The following THSD7A variants were observed in gnomAD, a reference collection of about 807,000 sequenced individuals.
THSD7A encodes thrombospondin type-1 domain-containing protein 7A.
THSD7A carries 96 observed loss-of-function variants against 231.3 expected under a neutral mutation model. The observed-to-expected ratio is 0.41, with a 90% CI of 0.35 to 0.49. THSD7A has a LOEUF of 0.49. Ranked by LOEUF, THSD7A falls within the 20% of genes least tolerant of loss-of-function variation. THSD7A has a pLI of 0.05. For synonymous variants in THSD7A, 940 were observed against 743.3 expected, an observed-to-expected ratio of 1.26 and a Z score of -4.30; for missense variants, 2,290 against 2,070.2, an observed-to-expected ratio of 1.11 and a Z score of -2.06.
intron 23 of THSD7A, among the ~76,000 whole-genome samples, chr7:11,395,224 G>C (rs12699188): frequency 0.22 from 33,868 of 151,232 alleles, 4,291 homozygotes; most frequent in African/African-American, 0.34. Flanking sequence ...AAGAGACAAA[G>C]AAGAGCATTA....
In THSD7A at chr7:11,728,280, T is replaced by C. The variant is rs142330062; in HGVS notation, c.191-91319A>G. On this transcript the variant is annotated intron_variant, in intron 1 of 27. Coordinates refer to ENST00000423059, the MANE Select transcript of THSD7A (RefSeq NM_015204.3). ...TTCATTTGGTATATATACTATTCTGTAGGCAGGTCAAGATTAACCAATGCA... is the reference window on the plus strand; with the variant it reads ...TTCATTTGGTATATATACTATTCTGCAGGCAGGTCAAGATTAACCAATGCA... Among the ~76,000 whole-genome samples, 17 of 152,100 alleles carry C rather than the reference T, an allele frequency of 1.1e-4. 1 individual carries two copies. The East Asian group carries it at 3.3e-3, about 30-fold the overall frequency.
intron 6 of THSD7A, among the ~76,000 whole-genome samples, chr7:11,540,900 C>A (rs909896437): frequency 6.6e-6 from 1 of 152,116 alleles, no homozygotes; most frequent in Non-Finnish European, 1.5e-5. Flanking sequence ...AGCAAAAGGT[C>A]GGTTCAGGAA....
At chr7:11,659,706 A>G (rs533195891) in intron 1 of THSD7A, among the ~76,000 whole-genome samples, 1 of 151,602 alleles carries the variant, frequency 6.6e-6, no homozygotes, top group South Asian at 2.1e-4. Context: ...GGTATTCCAT[A>G]AATACTGTTA....
chr7:11,379,152 G>T lies in THSD7A; in HGVS notation c.4719C>A (p.Thr1573=), dbSNP rs1782403593. Residue 1573 remains threonine, a synonymous_variant, in exon 26 of 28, where the codon ACC becomes ACA. Coordinates refer to ENST00000423059, the MANE Select transcript of THSD7A (RefSeq NM_015204.3). ...GTTGGGTTGGATGTACAGCCCGACT[G>T]GTTTTCACATCTCCTCTTTTGTCCT... ...TMEDKRGDVK[T]SRAVHPTQPS... The T allele has an allele frequency of 2.5e-6, 4 of 1,613,542 alleles. No homozygotes were observed. Among genetic ancestry groups the T allele is most frequent in the Non-Finnish European group, 3.4e-6 (4 of 1,179,708 alleles).
At chr7:11,442,710 A>G (rs2128293505) in intron 13 of THSD7A, among the ~76,000 whole-genome samples, 1 of 152,178 alleles carries the variant, frequency 6.6e-6, no homozygotes, top group East Asian at 1.9e-4. Context: ...TGGAGACTCA[A>G]TTTCTCAAGA....
chr7:11,477,290 C>T (rs1049723338), intron 7 of THSD7A, among the ~76,000 whole-genome samples: 1 of 152,098 alleles, frequency 6.6e-6, no homozygotes, highest in Non-Finnish European at 1.5e-5. Context: ...ACAATGTCTT[C>T]CAATTAGAGT....
chr7:11,475,684 T>A (rs1786140275), intron 7 of THSD7A, among the ~76,000 whole-genome samples: 1 of 149,750 alleles, frequency 6.7e-6, no homozygotes, highest in Non-Finnish European at 1.5e-5. Context: ...CTAGGGAATA[T>A]GGGTACTACC....
chr7:11,543,147 A>G (rs766284541), intron 4 of THSD7A, 30 bp from the exon 5 acceptor site: 2 of 1,591,156 alleles, frequency 1.3e-6, no homozygotes, highest in Non-Finnish European at 1.7e-6. Flanking sequence ...CATATTAAAA[A>G]ATGAACAAAA....
rs557229346 is a variant in THSD7A at position 11,475,128 on chromosome 7, T to C, written c.2018-560A>G. Among the ~76,000 whole-genome samples, 28 of 152,248 alleles carry C rather than the reference T, an allele frequency of 1.8e-4. No homozygotes were observed. The East Asian group carries it at 4.1e-3, about 22-fold the overall frequency. On this transcript the variant is annotated intron_variant, in intron 7 of 27. Transcript: ENST00000423059. Reference sequence around the variant, plus strand: ...GTGTAGAGTTCACATCAGAAAGTAATTGGCAACAAGAATAAGAAAGTAGAC... The same window carrying C: ...GTGTAGAGTTCACATCAGAAAGTAACTGGCAACAAGAATAAGAAAGTAGAC...
intron 6 of THSD7A, 103 bp from the exon 7 acceptor site, chr7:11,482,085 G>C: frequency 7.8e-7 from 1 of 1,284,968 alleles, no homozygotes. Context: ...TCTTTCTTTT[G>C]CTCTTACTTA....
intron 7 of THSD7A, among the ~76,000 whole-genome samples, chr7:11,478,804 G>A (rs901068440): frequency 1.3e-5 from 2 of 151,996 alleles, no homozygotes; most frequent in Admixed American, 1.3e-4. Flanking sequence ...TATACACACT[G>A]ATACACAATA....
At chr7:11,565,343 C>G (rs1206207606) in intron 4 of THSD7A, among the ~76,000 whole-genome samples, 1 of 152,150 alleles carries the variant, frequency 6.6e-6, no homozygotes, top group African/African-American at 2.4e-5. Context: ...ATTTGCTGAG[C>G]AACTCCAAAT....
chr7:11,631,554 A>C (rs1781655265), intron 2 of THSD7A, among the ~76,000 whole-genome samples: 1 of 152,184 alleles, frequency 6.6e-6, no homozygotes, highest in Admixed American at 6.5e-5. Flanking sequence ...AGCTGAGCAG[A>C]GGAGGTTGAT....
Position 11,375,727 on chromosome 7 carries a change from G to C in THSD7A, c.*67C>G. ...TAATCCACACAGTTTGGATACATTTGTTGTGGCCTCTGGACATCTATGAAG... is the reference window on the plus strand; with the variant it reads ...TAATCCACACAGTTTGGATACATTTCTTGTGGCCTCTGGACATCTATGAAG... On this transcript the variant is annotated 3_prime_UTR_variant, in exon 28 of 28. Coordinates refer to ENST00000423059, the MANE Select transcript of THSD7A (RefSeq NM_015204.3). The C allele has an allele frequency of 7.8e-7, 1 of 1,279,878 alleles. No homozygotes were observed. Among genetic ancestry groups the C allele is most frequent in the Non-Finnish European group, 1.1e-6 (1 of 886,834 alleles). The allele number at this position is 1,279,878 out of a possible 1,614,324, so 79.3% of individuals were successfully genotyped here.
At chr7:11,681,022 T>C (rs1783847408) in intron 1 of THSD7A, among the ~76,000 whole-genome samples, 1 of 151,932 alleles carries the variant, frequency 6.6e-6, no homozygotes, top group Non-Finnish European at 1.5e-5. Context: ...TATGCAGCCA[T>C]AAAAAAGAAT....
intron 6 of THSD7A, among the ~76,000 whole-genome samples, chr7:11,492,296 G>A (rs772616953): frequency 8.6e-5 from 13 of 151,786 alleles, no homozygotes; most frequent in Non-Finnish European, 1.5e-4. Flanking sequence ...AATGATTACT[G>A]CCTCTCTTTC....
intron 23 of THSD7A, among the ~76,000 whole-genome samples, chr7:11,395,998 C>T (rs1207069605): frequency 1.3e-5 from 2 of 152,162 alleles, no homozygotes; most frequent in Admixed American, 6.6e-5. Flanking sequence ...CCACTCAAAA[C>T]CGCTCAACTA....
chr7:11,678,609 A>C (rs1458323210), intron 1 of THSD7A, among the ~76,000 whole-genome samples: 1 of 152,144 alleles, frequency 6.6e-6, no homozygotes, highest in African/African-American at 2.4e-5. Context: ...GACATGGATA[A>C]ATTCTTAGAC....
intron 11 of THSD7A, among the ~76,000 whole-genome samples, chr7:11,450,497 T>A (rs531148152): frequency 6.6e-6 from 1 of 152,198 alleles, no homozygotes; most frequent in South Asian, 2.1e-4. Flanking sequence ...CATCTCAACT[T>A]GTTTGTATTC....
Sources: allele counts gnomAD v4.1 joint callset (sites outside exome capture counted in the v4.1 genomes callset), GRCh38; gene constraint gnomAD v4.1.1; transcripts MANE v1.5; gene names NCBI Gene and HGNC (gene_info 2026-07-23, HGNC 2026-07-21).